Variants in LRRC4C observed in about 807,000 individuals in gnomAD.
LRRC4C encodes leucine rich repeat containing 4C.
In LRRC4C, 5 loss-of-function variants were observed where a neutral mutation model predicts 33.6. The observed-to-expected ratio is 0.15, with a 90% CI of 0.08 to 0.31. The LOEUF is 0.31. Among genes scored for constraint, LRRC4C ranks in the 10% least tolerant of loss-of-function variants. The pLI is 1.00. For synonymous variants in LRRC4C, 329 were observed against 302.0 expected (o/e 1.09, Z -0.93); for missense variants, 560 against 796.7 (o/e 0.70, Z 3.58).
chr11:41,017,485 G>A (rs575355737), intron 1 of LRRC4C, among the ~76,000 whole-genome samples: 22 of 152,040 alleles, frequency 1.4e-4, no homozygotes, highest in Non-Finnish European at 2.6e-4. Context: ...TAGTATTATT[G>A]CTAATAATCA....
At chr11:40,907,464 T>TAGGTTCTTTA (rs1956474032) in intron 2 of LRRC4C, among the ~76,000 whole-genome samples, 1 of 152,218 alleles carries the variant, frequency 6.6e-6, no homozygotes, top group Admixed American at 6.5e-5. Flanking sequence ...TTGGAGTTCA[T>TAGGTTCTTTA]AGGTTCTTTA....
chr11:40,713,845 T>C (rs1307562699), intron 2 of LRRC4C, among the ~76,000 whole-genome samples: 1 of 152,178 alleles, frequency 6.6e-6, no homozygotes, highest in East Asian at 1.9e-4. Context: ...TTCTCCAAGA[T>C]TGCTCTCAGT....
intron 1 of LRRC4C, among the ~76,000 whole-genome samples, chr11:40,937,959 CTCT>C (rs1311675741): frequency 2.6e-5 from 4 of 152,040 alleles, no homozygotes; most frequent in Non-Finnish European, 5.9e-5. Context: ...ACCCAGCCTG[CTCT>C]TCTTTGTAAT....
intron 3 of LRRC4C, among the ~76,000 whole-genome samples, chr11:40,496,537 A>G (rs2138574840): frequency 6.6e-6 from 1 of 152,216 alleles, no homozygotes; most frequent in African/African-American, 2.4e-5. Context: ...TTTTTTAATC[A>G]GAGACTCAAA....
At chr11:41,257,666 G>A (rs1304489299) in intron 1 of LRRC4C, among the ~76,000 whole-genome samples, 4 of 152,024 alleles carry the variant, frequency 2.6e-5, no homozygotes, top group Non-Finnish European at 5.9e-5. Context: ...GGTCACCAGG[G>A]GGCAAAGGAG....
chr11:40,692,381 A>G (rs1945258124), intron 2 of LRRC4C, among the ~76,000 whole-genome samples: 2 of 152,202 alleles, frequency 1.3e-5, no homozygotes, highest in South Asian at 2.1e-4. Context: ...TTCTTTCAAC[A>G]CATAGAGAGG....
chr11:41,192,419 A>T (rs1398213743), intron 1 of LRRC4C, among the ~76,000 whole-genome samples: 6 of 151,772 alleles, frequency 4.0e-5, no homozygotes, highest in Non-Finnish European at 8.8e-5. Context: ...ACACACACAC[A>T]CACACATATA....
At chr11:40,251,141 C>A (rs952424649) in intron 4 of LRRC4C, among the ~76,000 whole-genome samples, 1 of 152,108 alleles carries the variant, frequency 6.6e-6, no homozygotes. Context: ...CACTGAGAAC[C>A]AATGTACATA....
chr11:40,865,516 T>C lies in LRRC4C; in HGVS notation c.-407+68119A>G, dbSNP rs1055086698. Among the ~76,000 whole-genome samples, 17 of 148,886 alleles carry C rather than the reference T, an allele frequency of 1.1e-4. No homozygotes were observed. In the East Asian group the frequency reaches 1.4e-3, roughly 12 times the overall value. ...ATTTAGCCATTCCACAGTGTGTATA[T>C]ATATATATATATATATAATTTCAAA... On this transcript the variant is annotated intron_variant, in intron 2 of 6. Transcript: ENST00000528697.
chr11:40,427,330 C>T (rs553517137), intron 3 of LRRC4C, among the ~76,000 whole-genome samples: 1 of 151,512 alleles, frequency 6.6e-6, no homozygotes, highest in Non-Finnish European at 1.5e-5. Flanking sequence ...GTCATGAAAC[C>T]ACATCTCTAC....
chr11:41,209,029 G>T (rs1946712565), intron 1 of LRRC4C, among the ~76,000 whole-genome samples: 1 of 151,634 alleles, frequency 6.6e-6, no homozygotes, highest in African/African-American at 2.4e-5. Context: ...ACAGACATAG[G>T]GGCCTATTTG....
chr11:40,490,776 T>G (rs1954108655), intron 3 of LRRC4C, among the ~76,000 whole-genome samples: 1 of 152,194 alleles, frequency 6.6e-6, no homozygotes, highest in African/African-American at 2.4e-5. Flanking sequence ...ACATAATTTA[T>G]ATTGCATTAA....
intron 1 of LRRC4C, among the ~76,000 whole-genome samples, chr11:41,064,895 C>T (rs546252472): frequency 6.6e-6 from 1 of 152,296 alleles, no homozygotes; most frequent in South Asian, 2.1e-4. Flanking sequence ...CATTTTTTCT[C>T]AGGGATTTTC....
chr11:41,381,915 T>C (rs1953169085), intron 1 of LRRC4C, among the ~76,000 whole-genome samples: 1 of 98,346 alleles, frequency 1.0e-5, no homozygotes, highest in South Asian at 3.0e-4. Flanking sequence ...AGCAGATATA[T>C]GTGTTTGTAT....
At chr11:40,928,766 A>T (rs1592116683) in intron 2 of LRRC4C, among the ~76,000 whole-genome samples, 2 of 152,188 alleles carry the variant, frequency 1.3e-5, no homozygotes, top group East Asian at 3.8e-4. Flanking sequence ...TAAAAATATC[A>T]TATGTGAATT....
chr11:41,443,236 A>G (rs1184643207), intron 1 of LRRC4C, among the ~76,000 whole-genome samples: 1 of 152,094 alleles, frequency 6.6e-6, no homozygotes, highest in Non-Finnish European at 1.5e-5. Flanking sequence ...GTACAGGCAC[A>G]GTGGCTCACA....
chr11:40,827,506 T>TA (rs2135518353), intron 2 of LRRC4C, among the ~76,000 whole-genome samples: 1 of 152,040 alleles, frequency 6.6e-6, no homozygotes, highest in Admixed American at 6.6e-5. Flanking sequence ...TCTTTCTAGA[T>TA]AGACTTACAC....
intron 3 of LRRC4C, among the ~76,000 whole-genome samples, chr11:40,617,194 A>G (rs1231080838): frequency 6.6e-6 from 1 of 151,764 alleles, no homozygotes; most frequent in East Asian, 1.9e-4. Context: ...TCCTTTTATT[A>G]CACTTAGATA....
chr11:40,525,427 CAGAG>C (rs1472195602), intron 3 of LRRC4C, among the ~76,000 whole-genome samples: 1 of 152,094 alleles, frequency 6.6e-6, no homozygotes, highest in Non-Finnish European at 1.5e-5. Flanking sequence ...GCCTGGGTGA[CAGAG>C]AGAGACTTTG....
Sources: allele counts gnomAD v4.1 joint callset (sites outside exome capture counted in the v4.1 genomes callset), GRCh38; gene constraint gnomAD v4.1.1; transcripts MANE v1.5; gene names NCBI Gene and HGNC (gene_info 2026-07-23, HGNC 2026-07-21).